Variants in DGAT1 observed in about 807,000 individuals in gnomAD.
DGAT1 encodes the protein ACAT related gene product 1.
In DGAT1, 60 loss-of-function variants were observed where a neutral mutation model predicts 72.6. The ratio of observed to expected loss-of-function variants is 0.83; its 90% CI spans 0.67 to 1.02. The LOEUF is 1.02. Ranked by LOEUF, DGAT1 falls within the 50% of genes least tolerant of loss-of-function variation. The pLI is 0.00. For missense variants in DGAT1, 592 were observed against 670.0 expected, an observed-to-expected ratio of 0.88 and a Z score of 1.29; for synonymous variants, 290 against 267.5, an observed-to-expected ratio of 1.08 and a Z score of -0.82.
Position 144,317,389 on chromosome 8 carries a change from C to T in DGAT1, c.1038G>A (p.Leu346=). Residue 346 remains leucine, a synonymous_variant, in exon 13 of 17, where the codon CTG becomes CTA. Transcript: ENST00000528718. Reference sequence around the variant, plus strand: ...ACTGCATGAGCTCAGCCACGGCATTCAGGCAGGAGTGGAAGAGCCAGTAGA... The same window carrying T: ...ACTGCATGAGCTCAGCCACGGCATTTAGGCAGGAGTGGAAGAGCCAGTAGA... ...IFFYWLFHSC[L]NAVAELMQFG... is the part of the protein sequence containing the mutation. 6.2e-7 allele frequency: 1 copy of T among 1,613,844 alleles called. No individual in the cohort carries two copies. Among genetic ancestry groups the T allele is most frequent in the Non-Finnish European group, 8.5e-7 (1 of 1,179,990 alleles).
intron 1 of DGAT1, among the ~76,000 whole-genome samples, chr8:144,322,879 C>T (rs1817496067): frequency 6.6e-6 from 1 of 152,140 alleles, no homozygotes; most frequent in South Asian, 2.1e-4. Context: ...AAGTTGGCAG[C>T]TGTCTTCCCA....
In DGAT1 at chr8:144,317,567, T is replaced by C; in HGVS notation, c.958A>G (p.Ile320Val). The change falls in exon 12 of 17, where the codon ATC (isoleucine) becomes GTC (valine). Residue 320 changes from isoleucine (I) to valine (V), a missense_variant. Ile to Val is a conservative substitution (Grantham distance 29). Coordinates refer to ENST00000528718, the MANE Select transcript of DGAT1 (RefSeq NM_012079.6). ...ACCGCCAGCTTCAGGAGGCGCTCGATGATGCGTGAGTAGTCCATGTCCTGC... is the reference window on the plus strand; with the variant it reads ...ACCGCCAGCTTCAGGAGGCGCTCGACGATGCGTGAGTAGTCCATGTCCTGC... ...PFKDMDYSRI[I>V]ERLLKLAVPN... is the part of the protein sequence containing the mutation. The C allele has an allele frequency of 6.2e-7, 1 of 1,613,906 alleles. No individual in the cohort carries two copies. The highest frequency in any genetic ancestry group is 8.5e-7 in the Non-Finnish European group (1 of 1,180,020).
At position 144,317,948 on chromosome 8, in the gene DGAT1, C is replaced by T. The variant is rs782702737; in HGVS notation, c.821G>A (p.Arg274Gln). ...ELNFPRSPRI[R>Q]KRFLLRRILE... ...GATCCGTCGCAGCAGAAAGCGCTTC[C>T]GGATGCGGGGAGAGCGGGGAAAGTT... The change falls in exon 9 of 17, where the codon CGG (arginine) becomes CAG (glutamine). Residue 274 changes from arginine (R) to glutamine (Q), a missense_variant. By Grantham distance (43) the Arg-to-Gln change is conservative (BLOSUM62 1). Coordinates refer to ENST00000528718, the MANE Select transcript of DGAT1 (RefSeq NM_012079.6). 4 of 1,518,900 alleles carry T rather than the reference C, an allele frequency of 2.6e-6. No individual in the cohort carries two copies. Among genetic ancestry groups the T allele is most frequent in the African/African-American group, 1.4e-5 (1 of 71,704 alleles). 94.1% of individuals were successfully genotyped at this position (1,518,900 alleles called of 1,614,324 possible).
At position 144,317,354 on chromosome 8, in the gene DGAT1, C is replaced by G. The variant is rs374729844; in HGVS notation, c.1073G>C (p.Arg358Pro). Residue 358 changes from arginine to proline, a missense_variant, in exon 13 of 17, where the codon CGG (arginine) becomes CCG (proline). Coordinates refer to ENST00000528718, the MANE Select transcript of DGAT1 (RefSeq NM_012079.6). ...AVAELMQFGD[R>P]EFYRDWWNSE... is the part of the protein sequence containing the mutation. ...TCACCACCAGTCCCGGTAGAACTCCCGGTCTCCAAACTGCATGAGCTCAGC... is the reference window on the plus strand; with the variant it reads ...TCACCACCAGTCCCGGTAGAACTCCGGGTCTCCAAACTGCATGAGCTCAGC... The G allele has an allele frequency of 2.5e-6, 4 of 1,613,702 alleles. No individual in the cohort carries two copies. Among genetic ancestry groups the G allele is most frequent in the Non-Finnish European group, 3.4e-6 (4 of 1,179,952 alleles).
chr8:144,315,505 T>A lies in DGAT1; in HGVS notation c.*1049A>T. The A allele has an allele frequency of 1.0e-6, 1 of 985,582 alleles. No homozygotes were observed. Among genetic ancestry groups the A allele is most frequent in the Non-Finnish European group, 1.2e-6 (1 of 830,074 alleles). 61.1% of individuals were successfully genotyped at this position (985,582 alleles called of 1,614,324 possible). On this transcript the variant is annotated 3_prime_UTR_variant, in exon 17 of 17. Transcript: ENST00000528718. ...CAGGTCTGGGGACACCAGGGCCTGG[T>A]CCAGTCTTGGGGTCTTTAATCAAGC...
Position 144,316,191 on chromosome 8 carries a change from G to A in DGAT1, c.*363C>T, listed in dbSNP as rs1364455743. The A allele has an allele frequency of 4.1e-5, 9 of 218,608 alleles. No individual in the cohort carries two copies. The highest frequency in any genetic ancestry group is 9.9e-5 in the South Asian group (1 of 10,072). 13.5% of individuals were successfully genotyped at this position (218,608 alleles called of 1,614,324 possible). Reference sequence around the variant, plus strand: ...TGCTGCAGTGGAGCTGCTGCTCCCCGGCAGGTCCTGGGACAGCTGTCCACA... The same window carrying A: ...TGCTGCAGTGGAGCTGCTGCTCCCCAGCAGGTCCTGGGACAGCTGTCCACA... On this transcript the variant is annotated 3_prime_UTR_variant, in exon 17 of 17. Transcript: ENST00000528718.
chr8:144,318,278 C>T lies in DGAT1; in HGVS notation c.659G>A (p.Arg220Lys). 1 of 1,612,834 alleles carries T rather than the reference C, an allele frequency of 6.2e-7. No homozygotes were observed. The highest frequency in any genetic ancestry group is 8.5e-7 in the Non-Finnish European group (1 of 1,179,898). The change falls in exon 7 of 17, where the codon AGG (arginine) becomes AAG (lysine). Residue 220 changes from arginine to lysine, a missense_variant. By Grantham distance (26) the Arg-to-Lys change is conservative. Transcript: ENST00000528718. ...CCCCTCACCAGCCTTGGCCCTGGCC[C>T]TGCGGCACCATGAGTTGACGTCGCG... is the stretch of plus-strand genomic sequence containing the variant. The part of the protein sequence containing the change: ...SYRDVNSWCR[R>K]ARAKAASAGK...
chr8:144,319,759 T>C (rs1394325092), intron 2 of DGAT1, among the ~76,000 whole-genome samples: 1 of 152,164 alleles, frequency 6.6e-6, no homozygotes, highest in Admixed American at 6.5e-5. Flanking sequence ...GTTGGGTGCT[T>C]GGCCTCCCTC....
Position 144,321,401 on chromosome 8 carries a change from G to A in DGAT1, c.208C>T (p.Arg70Cys), listed in dbSNP as rs376209496. The change falls in exon 2 of 17, where the codon CGC becomes TGC. Residue 70 changes from arginine to cysteine, a missense_variant. By Grantham distance (180) the Arg-to-Cys change is radical (BLOSUM62 -3). Transcript: ENST00000528718. ...GAGCTGAATAAAGAATCCTGCAGGCGATGGCACCTGACAGAGCACAACACA... is the reference window on the plus strand; with the variant it reads ...GAGCTGAATAAAGAATCCTGCAGGCAATGGCACCTGACAGAGCACAACACA... ...GSGHWELRCH[R>C]LQDSLFSSDS... The A allele has an allele frequency of 3.7e-5, 59 of 1,613,768 alleles. No homozygotes were observed. Among genetic ancestry groups the A allele is most frequent in the African/African-American group, 2.0e-4 (15 of 75,042 alleles).
intron 9 of DGAT1, 22 bp from the exon 10 acceptor site, chr8:144,317,844 G>A: frequency 6.2e-7 from 1 of 1,605,244 alleles, no homozygotes; most frequent in South Asian, 1.1e-5. Flanking sequence ...ACAGAGAGCA[G>A]CCAGCTGAGG....
At chr8:144,322,116 G>C (rs1817476265) in intron 1 of DGAT1, among the ~76,000 whole-genome samples, 1 of 152,194 alleles carries the variant, frequency 6.6e-6, no homozygotes, top group Non-Finnish European at 1.5e-5. Context: ...ACCCACCCAT[G>C]ATCTCCCAAC....
Position 144,316,712 on chromosome 8 carries a change from AG to A in DGAT1, c.1312-4del, listed in dbSNP as rs1289757744. The A allele has an allele frequency of 6.2e-6, 10 of 1,610,806 alleles. No individual in the cohort carries two copies. In the Admixed American group the frequency reaches 6.7e-5, roughly 11 times the overall value. On this transcript the variant is annotated splice_region_variant and splice_polypyrimidine_tract_variant and intron_variant, in intron 16 of 16. Coordinates refer to ENST00000528718, the MANE Select transcript of DGAT1 (RefSeq NM_012079.6). ...CCCACGAACCAGGCCAGTGGGATCT[AG>A]GGAGTGAGGGGCCAAGTCAGTCGGC...
At position 144,316,485 on chromosome 8, in the gene DGAT1, C is replaced by T. The variant is rs1817226023; in HGVS notation, c.*69G>A. The T allele has an allele frequency of 6.7e-7, 1 of 1,503,724 alleles. No homozygotes were observed. The highest frequency in any genetic ancestry group is 1.4e-5 in the African/African-American group (1 of 72,396). The allele number at this position is 1,503,724 out of a possible 1,614,324, so 93.1% of individuals were successfully genotyped here. The stretch of plus-strand genomic sequence containing the variant: ...CAGGCCCATCCCCAGCACTCGAGGC[C>T]TAGGAGGAGAGGTGGGCTCTGGCAG... On this transcript the variant is annotated 3_prime_UTR_variant, in exon 17 of 17. Transcript: ENST00000528718.
At chr8:144,320,005 G>A (rs1460991052) in intron 2 of DGAT1, among the ~76,000 whole-genome samples, 1 of 152,216 alleles carries the variant, frequency 6.6e-6, no homozygotes, top group Admixed American at 6.5e-5. Context: ...CTACTGCCCC[G>A]CCTCCCCCGG....
In DGAT1 at chr8:144,316,236, TGTG is replaced by T. The variant is rs1351940474; in HGVS notation, c.*315_*317del. ...TCCACACAGCTCTGGCACTCGCCCTTGTGGGTGTGGCCATACCCCCCACCAGGC... is the reference window on the plus strand; with the variant it reads ...TCCACACAGCTCTGGCACTCGCCCTTGGTGTGGCCATACCCCCCACCAGGC... On this transcript the variant is annotated 3_prime_UTR_variant, in exon 17 of 17. Transcript: ENST00000528718. 1 of 325,108 alleles carries T rather than the reference TGTG, an allele frequency of 3.1e-6. No homozygotes were observed. The highest frequency in any genetic ancestry group is 5.8e-6 in the Non-Finnish European group (1 of 173,772). The allele number at this position is 325,108 out of a possible 1,614,324, so 20.1% of individuals were successfully genotyped here. A position where few individuals can be genotyped will look rare whatever the true frequency, so the allele number is the denominator to read the frequency against.
In DGAT1 at chr8:144,317,550, C is replaced by T. The variant is rs781854164; in HGVS notation, c.975G>A (p.Lys325=). Residue 325 remains lysine, a synonymous_variant, in exon 12 of 17, where the codon AAG becomes AAA. Coordinates refer to ENST00000528718, the MANE Select transcript of DGAT1 (RefSeq NM_012079.6). ...DYSRIIERLL[K]LAVPNHLIWL... Reference sequence around the variant, plus strand: ...GCCACCTGTCCGCACTCACCGCCAGCTTCAGGAGGCGCTCGATGATGCGTG... The same window carrying T: ...GCCACCTGTCCGCACTCACCGCCAGTTTCAGGAGGCGCTCGATGATGCGTG... 2 of 1,613,920 alleles carry T rather than the reference C, an allele frequency of 1.2e-6. No homozygotes were observed. The highest frequency in any genetic ancestry group is 3.3e-5 in the Admixed American group (2 of 60,022).
Position 144,315,862 on chromosome 8 carries a change from T to C in DGAT1, c.*692A>G, listed in dbSNP as rs868987876. 1.1e-4 allele frequency: 108 copies of C among 985,572 alleles called. No homozygotes were observed. In the Admixed American group the frequency reaches 1.4e-3, roughly 12 times the overall value. 61.1% of individuals were successfully genotyped at this position (985,572 alleles called of 1,614,324 possible). A position where few individuals can be genotyped will look rare whatever the true frequency, so the allele number is the denominator to read the frequency against. ...CGAATAGCCATGGACATAGCCATTG[T>C]GTACCGTAGCCCCTCGGCTCACCAG... On this transcript the variant is annotated 3_prime_UTR_variant, in exon 17 of 17. Coordinates refer to ENST00000528718, the MANE Select transcript of DGAT1 (RefSeq NM_012079.6).
chr8:144,315,992 C>T lies in DGAT1; in HGVS notation c.*562G>A. The T allele has an allele frequency of 1.0e-6, 1 of 967,910 alleles. No homozygotes were observed. The allele number at this position is 967,910 out of a possible 1,614,324, so 60.0% of individuals were successfully genotyped here. On this transcript the variant is annotated 3_prime_UTR_variant, in exon 17 of 17. Coordinates refer to ENST00000528718, the MANE Select transcript of DGAT1 (RefSeq NM_012079.6). ...GACCTCTTCCCAAGCTGAAGCTGAG[C>T]ACGGTGGGTGCAAGTTGACCATCCT...
chr8:144,323,830 C>T (rs1817524605), intron 1 of DGAT1, among the ~76,000 whole-genome samples: 1 of 152,226 alleles, frequency 6.6e-6, no homozygotes, highest in Non-Finnish European at 1.5e-5. Flanking sequence ...CACTTGGGGC[C>T]CACACAGTGC....
Sources: allele counts gnomAD v4.1 joint callset (sites outside exome capture counted in the v4.1 genomes callset), GRCh38; gene constraint gnomAD v4.1.1; transcripts MANE v1.5; gene names NCBI Gene and HGNC (gene_info 2026-07-23, HGNC 2026-07-21).